The following PCSK2 variants were observed in gnomAD, a reference collection of about 807,000 sequenced individuals.
The protein encoded by PCSK2 is neuroendocrine convertase 2.
Under a neutral mutation model 69.7 loss-of-function variants are expected in PCSK2, and 14 were observed. The observed-to-expected ratio is 0.20, with a 90% CI of 0.13 to 0.31. PCSK2 has a LOEUF of 0.31. PCSK2 is among the 10% of genes least tolerant of loss of function. The pLI is 1.00. For synonymous variants in PCSK2, 307 were observed against 320.7 expected, an observed-to-expected ratio of 0.96 and a Z score of 0.46; for missense variants, 544 against 842.5, an observed-to-expected ratio of 0.65 and a Z score of 4.39.
chr20:17,303,072 A>G (rs1180614790), intron 2 of PCSK2, among the ~76,000 whole-genome samples: 1 of 150,716 alleles, frequency 6.6e-6, no homozygotes, highest in Non-Finnish European at 1.5e-5. Flanking sequence ...ATCTTTTCTC[A>G]TTTGAATTTC....
intron 2 of PCSK2, among the ~76,000 whole-genome samples, chr20:17,307,523 A>G (rs1238287533): frequency 1.3e-5 from 2 of 152,240 alleles, no homozygotes; most frequent in African/African-American, 4.8e-5. Flanking sequence ...AACAAGAGCC[A>G]TAGGATCTCT....
At chr20:17,390,055 G>A (rs6080673) in intron 5 of PCSK2, among the ~76,000 whole-genome samples, 46,896 of 152,130 alleles carry the variant, frequency 0.31, 8,609 homozygotes, top group South Asian at 0.58. Context: ...TTATACAGTG[G>A]AATACTATCC....
intron 11 of PCSK2, among the ~76,000 whole-genome samples, chr20:17,475,499 T>C (rs2033275673): frequency 6.6e-6 from 1 of 152,156 alleles, no homozygotes; most frequent in Admixed American, 6.5e-5. Flanking sequence ...AAGGACCTTA[T>C]AGTTAATTCA....
intron 7 of PCSK2, 145 bp from the exon 8 acceptor site, chr20:17,436,563 T>C (rs1358536977): frequency 1.6e-6 from 1 of 621,098 alleles, no homozygotes; most frequent in Admixed American, 3.1e-5. Flanking sequence ...TGCCTCTTTC[T>C]TGATCCCTGG....
intron 2 of PCSK2, among the ~76,000 whole-genome samples, chr20:17,326,330 T>A (rs1990052201): frequency 6.6e-6 from 1 of 152,026 alleles, no homozygotes; most frequent in Admixed American, 6.5e-5. Flanking sequence ...GTCAAAGTCA[T>A]CAAAAGCAAG....
At chr20:17,237,846 G>A (rs1316027301) in intron 1 of PCSK2, among the ~76,000 whole-genome samples, 2 of 152,312 alleles carry the variant, frequency 1.3e-5, no homozygotes, top group Non-Finnish European at 2.9e-5. Context: ...GGAAAACTGG[G>A]AGCTGGTGTA....
At chr20:17,454,251 A>G (rs2032879718) in intron 9 of PCSK2, among the ~76,000 whole-genome samples, 1 of 152,232 alleles carries the variant, frequency 6.6e-6, no homozygotes, top group South Asian at 2.1e-4. Context: ...TGGTTTACCA[A>G]TCAGTTGCCC....
intron 2 of PCSK2, among the ~76,000 whole-genome samples, chr20:17,276,361 A>G (rs1736290006): frequency 6.6e-6 from 1 of 151,938 alleles, no homozygotes; most frequent in African/African-American, 2.4e-5. Flanking sequence ...TAATATGTGT[A>G]TGCTGAAATG....
At chr20:17,229,539 T>A (rs765804079) in intron 1 of PCSK2, among the ~76,000 whole-genome samples, 8 of 151,568 alleles carry the variant, frequency 5.3e-5, no homozygotes, top group Non-Finnish European at 1.0e-4. Context: ...GGATCAGAGA[T>A]CAGATAACTA....
At chr20:17,260,933 A>G (rs1987358267) in intron 2 of PCSK2, among the ~76,000 whole-genome samples, 2 of 151,738 alleles carry the variant, frequency 1.3e-5, no homozygotes, top group Admixed American at 6.6e-5. Context: ...CATCACCCCC[A>G]TTTTTTTAAT....
At chr20:17,448,209 C>T (rs900241053) in intron 8 of PCSK2, among the ~76,000 whole-genome samples, 12 of 152,122 alleles carry the variant, frequency 7.9e-5, no homozygotes, top group African/African-American at 1.4e-4. Flanking sequence ...CACCCTGCAC[C>T]CATACCAACC....
rs573419061 is a variant in PCSK2, at chr20:17,394,078, G to A, written c.544-15185G>A. ...CTTGGGAGGTGGAGACAGGAGGATC[G>A]CTTGAGCCCAGGAATTTGAATCCAG... is the stretch of plus-strand genomic sequence containing the variant. On this transcript the variant is annotated intron_variant, in intron 5 of 11. Transcript: ENST00000262545. 1.7e-4 allele frequency among the ~76,000 whole-genome samples: 26 copies of A among 152,244 alleles called. 1 individual carries two copies. Among genetic ancestry groups the A allele is most frequent in the Non-Finnish European group, 2.5e-4 (17 of 68,014 alleles).
chr20:17,369,406 A>G (rs1482260394), intron 5 of PCSK2, 129 bp downstream of exon 5: 5 of 745,456 alleles, frequency 6.7e-6, no homozygotes, highest in Non-Finnish European at 1.2e-5. Context: ...ATGCACACAC[A>G]CACACACACA....
At chr20:17,236,793 G>T (rs1279205795) in intron 1 of PCSK2, among the ~76,000 whole-genome samples, 1 of 152,136 alleles carries the variant, frequency 6.6e-6, no homozygotes, top group East Asian at 1.9e-4. Context: ...AAATTGGCAG[G>T]GGAAGTCCTG....
At chr20:17,422,070 T>G (rs1010352286) in intron 6 of PCSK2, among the ~76,000 whole-genome samples, 2 of 152,054 alleles carry the variant, frequency 1.3e-5, no homozygotes, top group African/African-American at 4.8e-5. Context: ...GGTGGAAACA[T>G]AGGCAAAAAC....
intron 2 of PCSK2, among the ~76,000 whole-genome samples, chr20:17,322,181 T>C (rs536726992): frequency 4.6e-5 from 7 of 152,120 alleles, no homozygotes; most frequent in Non-Finnish European, 8.8e-5. Flanking sequence ...ATTGTCTTAA[T>C]GGAGAATGGT....
chr20:17,261,543 T>TAAC (rs535508086), intron 2 of PCSK2, among the ~76,000 whole-genome samples: 129 of 152,330 alleles, frequency 8.5e-4, no homozygotes, highest in African/African-American at 3.0e-3. Flanking sequence ...ACTTTTGCAG[T>TAAC]AACAATTAAG....
At chr20:17,397,605 A>G (rs2031539597) in intron 5 of PCSK2, among the ~76,000 whole-genome samples, 1 of 151,986 alleles carries the variant, frequency 6.6e-6, no homozygotes, top group Admixed American at 6.6e-5. Flanking sequence ...CAGCCTCCCA[A>G]GTAGCTGAGA....
intron 4 of PCSK2, among the ~76,000 whole-genome samples, chr20:17,366,560 A>C (rs896806946): frequency 6.6e-5 from 10 of 152,264 alleles, no homozygotes; most frequent in African/African-American, 2.4e-4. Flanking sequence ...AGAATTAAAC[A>C]TAAGCCGATT....
Sources: allele counts gnomAD v4.1 joint callset (sites outside exome capture counted in the v4.1 genomes callset), GRCh38; gene constraint gnomAD v4.1.1; transcripts MANE v1.5; gene names NCBI Gene and HGNC (gene_info 2026-07-23, HGNC 2026-07-21).